MAML2: variants seen among roughly 807,000 people sequenced by gnomAD.
MAML2 encodes the protein mastermind-like protein 2.
In MAML2, 22 loss-of-function variants were observed where a neutral mutation model predicts 96.1. The ratio of observed to expected loss-of-function variants is 0.23; its 90% CI spans 0.16 to 0.33. The LOEUF (loss-of-function observed/expected upper bound fraction) is 0.33, where lower values mean the gene tolerates loss of function less well. Ranked by LOEUF, MAML2 falls within the 10% of genes least tolerant of loss-of-function variation. The probability of loss-of-function intolerance (pLI) is 1.00; values close to 1 mark genes in which losing one functional copy is unlikely to be tolerated. For missense variants in MAML2, 1,367 were observed against 1,392.4 expected, an observed-to-expected ratio of 0.98 and a Z score of 0.29; for synonymous variants, 561 against 521.3, an observed-to-expected ratio of 1.08 and a Z score of -1.04.
rs1332415600 is a variant in MAML2 at position 95,979,928 on chromosome 11, C to A, written c.2491G>T (p.Ala831Ser). The change falls in exon 5 of 5, where the codon GCT becomes TCT. Residue 831 changes from alanine to serine, a missense_variant. Transcript: ENST00000524717. ...TGTGTTGAAACTGGGTTTGCCAAAG[C>A]CTGGTTAGAGTTTAAGCTTATTGTG... ...SSTISLNSNQ[A>S]LANPVSTHTI... 3.7e-6 allele frequency: 6 copies of A among 1,613,546 alleles called. No individual in the cohort carries two copies. The highest frequency in any genetic ancestry group is 1.7e-5 in the Admixed American group (1 of 59,966).
At chr11:96,030,079 A>C (rs566814615) in intron 2 of MAML2, among the ~76,000 whole-genome samples, 2 of 152,198 alleles carry the variant, frequency 1.3e-5, no homozygotes, top group South Asian at 4.1e-4. Context: ...TAAAAATACA[A>C]AAAATTAGCC....
chr11:96,190,185 T>G (rs1427057836), intron 1 of MAML2, among the ~76,000 whole-genome samples: 3 of 152,176 alleles, frequency 2.0e-5, no homozygotes, highest in Non-Finnish European at 4.4e-5. Flanking sequence ...GTGAGGTTTT[T>G]GGGGAGAGAT....
intron 1 of MAML2, among the ~76,000 whole-genome samples, chr11:96,286,579 G>A (rs1863143503): frequency 6.6e-6 from 1 of 151,054 alleles, no homozygotes; most frequent in African/African-American, 2.4e-5. Flanking sequence ...CTAGAATCTT[G>A]CATATAGTGG....
chr11:96,303,007 G>A (rs1863410444), intron 1 of MAML2, among the ~76,000 whole-genome samples: 3 of 152,160 alleles, frequency 2.0e-5, no homozygotes, highest in South Asian at 2.1e-4. Context: ...TCCAAGAAGT[G>A]AAATTATTGA....
chr11:96,234,617 T>G (rs968208552), intron 1 of MAML2, among the ~76,000 whole-genome samples: 2 of 152,204 alleles, frequency 1.3e-5, no homozygotes, highest in African/African-American at 4.8e-5. Context: ...TCTCTTTCTG[T>G]CTGTCTCTTT....
In MAML2 at chr11:95,991,645, C is replaced by A. The variant is rs779947921; in HGVS notation, c.2218G>T (p.Gly740Cys). 1 of 1,613,738 alleles carries A rather than the reference C, an allele frequency of 6.2e-7. No individual in the cohort carries two copies. The highest frequency in any genetic ancestry group is 8.5e-7 in the Non-Finnish European group (1 of 1,179,724). The change falls in exon 3 of 5, where the codon GGT (glycine) becomes TGT (cysteine). Residue 740 changes from glycine to cysteine, a missense_variant. Gly to Cys is a radical substitution (Grantham distance 159, BLOSUM62 -3). Coordinates refer to ENST00000524717, the MANE Select transcript of MAML2 (RefSeq NM_032427.4). ...NPCSNPNTGS[G>C]YMNSQQSLLN... is the part of the protein sequence containing the mutation. ...AGTGATTGCTGGGAGTTCATGTAAC[C>A]ACTTCCAGTGTTTGGATTTGAGCAG... is the stretch of plus-strand genomic sequence containing the variant.
chr11:96,168,888 T>C (rs1330671810), intron 1 of MAML2, among the ~76,000 whole-genome samples: 1 of 152,230 alleles, frequency 6.6e-6, no homozygotes, highest in Non-Finnish European at 1.5e-5. Flanking sequence ...GTAATCCACT[T>C]GGGTTATTTC....
At chr11:96,330,384 GCTA>G (rs1863836663) in intron 1 of MAML2, among the ~76,000 whole-genome samples, 2 of 152,194 alleles carry the variant, frequency 1.3e-5, no homozygotes, top group Admixed American at 6.5e-5. Context: ...TTTTGAGACA[GCTA>G]CTATTATCCT....
At position 96,341,481 on chromosome 11, in the gene MAML2, G is replaced by A. The variant is rs1364203143; in HGVS notation, c.415C>T (p.Leu139=). The change falls in exon 1 of 5, where the codon CTG becomes TTG. Residue 139 remains leucine (L), a synonymous_variant. Transcript: ENST00000524717. The stretch of plus-strand genomic sequence containing the variant: ...CTGCCACCATTATTGCTACTGTTCA[G>A]CAGGTGCTGCTGGTGGTGATGGTGA... ...DYHHHHQQHL[L]NSSNNGGSGG... 6.4e-7 allele frequency: 1 copy of A among 1,551,496 alleles called. No homozygotes were observed. The highest frequency in any genetic ancestry group is 8.7e-7 in the Non-Finnish European group (1 of 1,146,980).
chr11:96,121,950 C>CTTTTTTTTTTTTTTTTTT (rs71040130), intron 1 of MAML2, among the ~76,000 whole-genome samples: 8 of 56,850 alleles, frequency 1.4e-4, no homozygotes, highest in East Asian at 5.8e-4. Context: ...CCACGCCCGG[C>CTTTTTTTTTTTTTTTTTT]TTTTTTTTTT....
rs1015020721 is a variant in MAML2, at chr11:96,332,286, G to A, written c.513+9097C>T. Among the ~76,000 whole-genome samples the A allele has an allele frequency of 3.9e-5, 6 of 152,336 alleles. No homozygotes were observed. The East Asian group carries it at 9.6e-4, about 24-fold the overall frequency. On this transcript the variant is annotated intron_variant, in intron 1 of 4. Transcript: ENST00000524717. ...ATCGGAGAGGTGAAAGGGCTCCTGA[G>A]CCAGTATCTTCCTGAGGGAAATGCT...
chr11:96,059,920 TA>T (rs1192276093), intron 2 of MAML2, among the ~76,000 whole-genome samples: 16 of 152,282 alleles, frequency 1.1e-4, no homozygotes, highest in Admixed American at 9.1e-4. Flanking sequence ...GGATTGTAAG[TA>T]AACCACTAGA....
intron 1 of MAML2, among the ~76,000 whole-genome samples, chr11:96,202,830 G>A (rs1393840608): frequency 2.0e-5 from 3 of 152,016 alleles, no homozygotes; most frequent in South Asian, 2.1e-4. Context: ...GTTTCACCAC[G>A]TTGGCCAGGC....
chr11:96,026,017 C>T (rs1350340406), intron 2 of MAML2, among the ~76,000 whole-genome samples: 1 of 152,166 alleles, frequency 6.6e-6, no homozygotes, highest in Non-Finnish European at 1.5e-5. Flanking sequence ...CTCACTGATT[C>T]TTCAACAAGA....
At chr11:96,049,434 A>C (rs1341966482) in intron 2 of MAML2, among the ~76,000 whole-genome samples, 7 of 152,188 alleles carry the variant, frequency 4.6e-5, no homozygotes, top group African/African-American at 1.7e-4. Context: ...TTTTTAAAGG[A>C]AACATGGAAT....
At chr11:96,172,283 C>A (rs1003716073) in intron 1 of MAML2, among the ~76,000 whole-genome samples, 5 of 152,170 alleles carry the variant, frequency 3.3e-5, no homozygotes, top group African/African-American at 7.2e-5. Context: ...TAGCTTATGG[C>A]TCATCAGCAA....
intron 1 of MAML2, among the ~76,000 whole-genome samples, chr11:96,122,119 T>C (rs902386688): frequency 2.6e-5 from 4 of 151,850 alleles, no homozygotes; most frequent in Admixed American, 1.3e-4. Flanking sequence ...CCCTGTCTGC[T>C]ATGATTTTAA....
At chr11:95,998,122 A>ATCTGTCTGTCTGTCAGTCTGTCTGTCTG (rs1341774738) in intron 2 of MAML2, among the ~76,000 whole-genome samples, 23 of 117,456 alleles carry the variant, frequency 2.0e-4, no homozygotes, top group East Asian at 5.4e-4. Flanking sequence ...TTTTCTATCT[A>ATCTGTCTGTCTGTCAGTCTGTCTGTCTG]TCTGTCTGTC....
intron 1 of MAML2, among the ~76,000 whole-genome samples, chr11:96,129,286 T>A (rs1382348011): frequency 3.9e-5 from 6 of 152,040 alleles, no homozygotes; most frequent in Non-Finnish European, 8.8e-5. Context: ...AAAGAAGAGG[T>A]CTCTTCATTA....
Sources: gnomAD v4.1 joint callset for allele counts (sites outside exome capture counted in the v4.1 genomes callset) on GRCh38, gnomAD v4.1.1 for gene constraint, MANE v1.5 for transcripts, NCBI Gene and HGNC (gene_info 2026-07-23, HGNC 2026-07-21) for gene names.